Variants in FGF1 observed in about 807,000 individuals in gnomAD.
FGF1 encodes the protein fibroblast growth factor 1.
A neutral mutation model predicts 13.4 loss-of-function variants in FGF1; 9 were observed. That is an observed-to-expected ratio of 0.67 (90% CI 0.40 to 1.17). The LOEUF is 1.17. Ranked by LOEUF, FGF1 falls within the 50% of genes most tolerant of loss-of-function variation. The pLI, the probability that FGF1 is intolerant of heterozygous loss-of-function variation, is 0.01. For synonymous variants in FGF1, 93 were observed against 79.0 expected, an observed-to-expected ratio of 1.18 and a Z score of -0.94; for missense variants, 156 against 192.7, an observed-to-expected ratio of 0.81 and a Z score of 1.13.
At position 142,621,375 on chromosome 5, in the gene FGF1, C is replaced by G. The variant is rs576459878; in HGVS notation, c.-34-7214G>C. The G allele has an allele frequency of 6.6e-5, 10 of 151,400 alleles. No homozygotes were observed. In the East Asian group the frequency reaches 1.4e-3, roughly 21 times the overall value. The allele number at this position is 151,400 out of a possible 1,614,324, so 9.4% of individuals were successfully genotyped here. On this transcript the variant is annotated intron_variant, in intron 1 of 3. Transcript: ENST00000337706. ...CTTTTTCTCTTTCTCTTTCTCCCTC[C>G]CTCCCTTCCTCCCTCCTTCCCTCCT... is the stretch of plus-strand genomic sequence containing the variant.
At chr5:142,646,070 G>A (rs1276256125) in intron 1 of FGF1, among the ~76,000 whole-genome samples, 11 of 151,876 alleles carry the variant, frequency 7.2e-5, no homozygotes, top group Admixed American at 5.9e-4. Context: ...CACCACACCC[G>A]GCTAATTTTT....
chr5:142,683,638 A>T lies in FGF1; in HGVS notation c.-35+2319T>A, dbSNP rs1198992275. 2.0e-5 allele frequency among the ~76,000 whole-genome samples: 3 copies of T among 152,022 alleles called. No homozygotes were observed. The East Asian group carries it at 5.8e-4, about 29-fold the overall frequency. ...GGAGTTAGAGACCAGCCTTAGCAAC[A>T]TGGAGAAACCCCGTCTCTAATAAAA... On this transcript the variant is annotated intron_variant, in intron 1 of 3. Coordinates refer to ENST00000337706, the MANE Select transcript of FGF1 (RefSeq NM_000800.5).
chr5:142,646,519 C>G (rs957528138), intron 1 of FGF1, among the ~76,000 whole-genome samples: 1 of 151,966 alleles, frequency 6.6e-6, no homozygotes, highest in Non-Finnish European at 1.5e-5. Flanking sequence ...CGCCCGGCTA[C>G]TTTTTGTGTT....
chr5:142,611,083 T>G (rs1281465427), intron 2 of FGF1, among the ~76,000 whole-genome samples: 2 of 152,252 alleles, frequency 1.3e-5, no homozygotes, highest in East Asian at 3.8e-4. Flanking sequence ...CACTTCAGTC[T>G]CTAATTATGC....
At chr5:142,619,155 C>T (rs186276434) in intron 1 of FGF1, among the ~76,000 whole-genome samples, 19 of 152,002 alleles carry the variant, frequency 1.2e-4, no homozygotes, top group African/African-American at 4.3e-4. Context: ...AAGATGGTCT[C>T]GATCTCCTGA....
chr5:142,676,833 A>G (rs4912875), intron 1 of FGF1, among the ~76,000 whole-genome samples: 41,802 of 152,040 alleles, frequency 0.27, 6,514 homozygotes, highest in African/African-American at 0.43. Flanking sequence ...ATAACTCTCA[A>G]TTGAAAGAAA....
chr5:142,691,923 G>T (rs937390552), intron 2 of FGF1, among the ~76,000 whole-genome samples: 2 of 152,136 alleles, frequency 1.3e-5, no homozygotes, highest in Non-Finnish European at 2.9e-5. Context: ...TTATATTTAT[G>T]GGACTATAGG....
intron 1 of FGF1, among the ~76,000 whole-genome samples, chr5:142,648,702 AAAAAAAAAAAAG>A (rs1237511248): frequency 6.6e-6 from 1 of 150,944 alleles, no homozygotes; most frequent in East Asian, 1.9e-4. Context: ...AAAAAAAAAA[AAAAAAAAAAAAG>A]AACAAGTGTC....
chr5:142,659,034 T>C (rs1768677505), intron 1 of FGF1, among the ~76,000 whole-genome samples: 1 of 152,152 alleles, frequency 6.6e-6, no homozygotes, highest in Admixed American at 6.5e-5. Flanking sequence ...TGCTGAAGCC[T>C]TGCATTTGCT....
intron 1 of FGF1, among the ~76,000 whole-genome samples, chr5:142,618,261 G>A (rs950425471): frequency 4.6e-5 from 7 of 152,090 alleles, no homozygotes; most frequent in African/African-American, 1.7e-4. Flanking sequence ...CTGTGTTAAG[G>A]CTGACATACT....
At chr5:142,597,429 A>C (rs1446754254) in intron 3 of FGF1, among the ~76,000 whole-genome samples, 1 of 152,232 alleles carries the variant, frequency 6.6e-6, no homozygotes, top group Admixed American at 6.5e-5. Context: ...ACATTTATTA[A>C]GTTGAAAATC....
intron 1 of FGF1, among the ~76,000 whole-genome samples, chr5:142,640,071 T>C (rs1764917357): frequency 6.6e-6 from 1 of 151,954 alleles, no homozygotes; most frequent in South Asian, 2.1e-4. Context: ...TTTGATTAAG[T>C]CACTTTGGAA....
At position 142,592,614 on chromosome 5, in the gene FGF1, C is replaced by T. The variant is rs1030941704; in HGVS notation, c.*2676G>A. On this transcript the variant is annotated 3_prime_UTR_variant, in exon 4 of 4. Coordinates refer to ENST00000337706, the MANE Select transcript of FGF1 (RefSeq NM_000800.5). ...ACTTAAGACAGCAATGGGAATGTCC[C>T]CAGGTTAATAAACTAGAGCATGTTC... 5.1e-6 allele frequency: 2 copies of T among 395,412 alleles called. No individual in the cohort carries two copies. The highest frequency in any genetic ancestry group is 2.1e-5 in the African/African-American group (1 of 48,520). The allele number at this position is 395,412 out of a possible 1,614,324, so 24.5% of individuals were successfully genotyped here.
At chr5:142,609,807 G>T (rs190989412) in intron 2 of FGF1, among the ~76,000 whole-genome samples, 1 of 152,112 alleles carries the variant, frequency 6.6e-6, no homozygotes, top group Non-Finnish European at 1.5e-5. Flanking sequence ...AAACTCCTAC[G>T]TTCCTATGAG....
intron 1 of FGF1, among the ~76,000 whole-genome samples, chr5:142,618,924 G>GTTGT: frequency 1.3e-5 from 1 of 78,326 alleles, no homozygotes; most frequent in African/African-American, 4.7e-5. Flanking sequence ...TTTTTTAGTT[G>GTTGT]TTTTGTTTTT....
intron 2 of FGF1, among the ~76,000 whole-genome samples, chr5:142,613,170 T>G (rs547768604): frequency 1.1e-4 from 16 of 152,292 alleles, no homozygotes; most frequent in African/African-American, 3.6e-4. Context: ...TCAGATAACA[T>G]CACGATAGGA....
intron 2 of FGF1, among the ~76,000 whole-genome samples, chr5:142,602,181 T>C (rs1375481329): frequency 6.6e-6 from 1 of 151,760 alleles, no homozygotes; most frequent in African/African-American, 2.4e-5. Flanking sequence ...CTTTTCTTTT[T>C]TTTTTTTTCT....
Position 142,595,251 on chromosome 5 carries a change from A to C in FGF1, c.*39T>G. ...GGGTCAACCAGGTGAGGACCCCTCG[A>C]AACTTCTCTGGAGTGGTCAACACCC... On this transcript the variant is annotated 3_prime_UTR_variant, in exon 4 of 4. Transcript: ENST00000337706. 6.3e-7 allele frequency: 1 copy of C among 1,581,300 alleles called. No individual in the cohort carries two copies.
At chr5:142,667,430 C>T (rs567060646) in intron 1 of FGF1, among the ~76,000 whole-genome samples, 1 of 149,932 alleles carries the variant, frequency 6.7e-6, no homozygotes, top group Non-Finnish European at 1.5e-5. Context: ...ACTAAAAATA[C>T]AAAAAATTAG....
Sources: gnomAD v4.1 joint callset for allele counts (sites outside exome capture counted in the v4.1 genomes callset) on GRCh38, gnomAD v4.1.1 for gene constraint, MANE v1.5 for transcripts, NCBI Gene and HGNC (gene_info 2026-07-23, HGNC 2026-07-21) for gene names.